Variants in SCRN3 observed in about 807,000 individuals in gnomAD.
The protein encoded by SCRN3 is secernin-3.
Under a neutral mutation model 43.1 loss-of-function variants are expected in SCRN3, and 39 were observed. That is an observed-to-expected ratio of 0.91 (90% CI 0.70 to 1.18). The LOEUF (loss-of-function observed/expected upper bound fraction) is 1.18, where lower values mean the gene tolerates loss of function less well. Among genes scored for constraint, SCRN3 ranks in the 50% most tolerant of loss-of-function variants. The pLI is 0.00. For synonymous variants in SCRN3, 147 were observed against 163.1 expected (o/e 0.90, Z 0.75); for missense variants, 484 against 498.0 (o/e 0.97, Z 0.27).
intron 5 of SCRN3, among the ~76,000 whole-genome samples, chr2:174,420,855 G>A (rs1311004832): frequency 6.6e-6 from 1 of 152,090 alleles, no homozygotes; most frequent in Non-Finnish European, 1.5e-5. Context: ...ACATAAGATT[G>A]GAGACTCAAC....
chr2:174,404,135 A>T lies in SCRN3; in HGVS notation c.574A>T (p.Ile192Leu). 1 of 1,613,756 alleles carries T rather than the reference A, an allele frequency of 6.2e-7. No homozygotes were observed. ...TCGTAATATTTCTAATCAACTTTCCATAACAACCAAGATTGCCCGGGAACA... is the reference window on the plus strand; with the variant it reads ...TCGTAATATTTCTAATCAACTTTCCTTAACAACCAAGATTGCCCGGGAACA... Reference protein sequence around the residue: ...GVRNISNQLSITTKIAREHPD... With the variant: ...GVRNISNQLSLTTKIAREHPD... The change falls in exon 5 of 8, where the codon ATA (isoleucine) becomes TTA (leucine). Residue 192 changes from isoleucine (I) to leucine (L), a missense_variant. Transcript: ENST00000272732.
At chr2:174,413,181 C>G (rs1467269873) in intron 5 of SCRN3, among the ~76,000 whole-genome samples, 1 of 151,978 alleles carries the variant, frequency 6.6e-6, no homozygotes, top group Non-Finnish European at 1.5e-5. Context: ...CGATAGTGCT[C>G]TTTTAGGACA....
intron 1 of SCRN3, 168 bp from the exon 2 acceptor site, chr2:174,398,107 G>A: frequency 2.5e-6 from 1 of 401,084 alleles, no homozygotes; most frequent in Non-Finnish European, 4.3e-6. Flanking sequence ...CAGCCTGGGT[G>A]AAAGAGCTAG....
In SCRN3 at chr2:174,424,507, A is replaced by G. The variant is rs1239152531; in HGVS notation, c.950A>G (p.His317Arg). The change falls in exon 7 of 8, where the codon CAT becomes CGT. Residue 317 changes from histidine to arginine, a missense_variant. Coordinates refer to ENST00000272732, the MANE Select transcript of SCRN3 (RefSeq NM_024583.5). ...SVFKPFIFVP[H>R]ISQLLDTSSP... The stretch of plus-strand genomic sequence containing the variant: ...TTTAAGCCTTTCATATTTGTGCCAC[A>G]TATTTCACAACTATTGGATACCAGT... 6.2e-7 allele frequency: 1 copy of G among 1,611,074 alleles called. No homozygotes were observed. The highest frequency in any genetic ancestry group is 8.5e-7 in the Non-Finnish European group (1 of 1,178,310).
Position 174,398,375 on chromosome 2 carries a change from A to G in SCRN3, c.92A>G (p.Tyr31Cys), listed in dbSNP as rs780845157. 1.9e-5 allele frequency: 31 copies of G among 1,609,286 alleles called. 1 individual carries two copies. The East Asian group carries it at 2.5e-4, about 13-fold the overall frequency. ...IIFGKNSDRL[Y>C]DEVQEVVYFP... is the part of the protein sequence containing the mutation. The stretch of plus-strand genomic sequence containing the variant: ...TTTGGAAAAAATTCAGATAGACTCT[A>G]TGATGAAGTACAAGAGGTGGTTTAT... The change falls in exon 2 of 8, where the codon TAT (tyrosine) becomes TGT (cysteine). Residue 31 changes from tyrosine to cysteine, a missense_variant. By Grantham distance (194) the Tyr-to-Cys change is radical. Transcript: ENST00000272732.
chr2:174,412,834 G>C (rs1685968291), intron 5 of SCRN3, among the ~76,000 whole-genome samples: 1 of 144,274 alleles, frequency 6.9e-6, no homozygotes, highest in Admixed American at 6.9e-5. Flanking sequence ...CTATAGAGTA[G>C]ACAACTGCTC....
chr2:174,396,636 A>C (rs1408614201), intron 1 of SCRN3, among the ~76,000 whole-genome samples: 1 of 152,152 alleles, frequency 6.6e-6, no homozygotes, highest in African/African-American at 2.4e-5. Context: ...GTCTCTACTA[A>C]AAACACGAAA....
chr2:174,400,042 GC>G lies in SCRN3; in HGVS notation c.281del (p.Ala94ValfsTer15). ...NEHGVCIGNE[A>X]VWGREEVCDE... The stretch of plus-strand genomic sequence containing the variant: ...GCATGGAGTTTGCATTGGGAATGAA[GC>G]TGTATGGGGAAGAGAAGAAGTTTGT... On this transcript the variant is annotated frameshift_variant, in exon 3 of 8. Transcript: ENST00000272732. LOFTEE classifies it high-confidence loss of function. 6.2e-7 allele frequency: 1 copy of G among 1,600,066 alleles called. No homozygotes were observed. Among genetic ancestry groups the G allele is most frequent in the African/African-American group, 1.4e-5 (1 of 73,744 alleles).
intron 5 of SCRN3, among the ~76,000 whole-genome samples, chr2:174,416,354 AG>A (rs1328902891): frequency 6.6e-6 from 1 of 152,212 alleles, no homozygotes; most frequent in Non-Finnish European, 1.5e-5. Flanking sequence ...AGAGAGAGAA[AG>A]ATGTCATAAA....
Position 174,423,026 on chromosome 2 carries a change from C to T in SCRN3, c.896C>T (p.Thr299Ile), listed in dbSNP as rs536481088. 155 of 1,613,200 alleles carry T rather than the reference C, an allele frequency of 9.6e-5. No individual in the cohort carries two copies. The Admixed American group carries it at 1.3e-3, about 14-fold the overall frequency. ...DSSLPCIHFF[T>I]GTPDPERSVF... ...AGCCTTCCTTGCATTCACTTCTTTA[C>T]AGGGACTCCTGATCCTGAGAGGTGA... The change falls in exon 6 of 8, where the codon ACA becomes ATA. Residue 299 changes from threonine (T) to isoleucine (I), a missense_variant. Physicochemically the swap from Thr to Ile is moderately conservative, Grantham distance 89. Transcript: ENST00000272732.
intron 5 of SCRN3, among the ~76,000 whole-genome samples, chr2:174,413,392 C>G (rs1352834254): frequency 3.3e-5 from 5 of 152,058 alleles, no homozygotes; most frequent in Admixed American, 2.0e-4. Context: ...CAAATTCTGT[C>G]TCTTGGTTGG....
In SCRN3 at chr2:174,424,455, A is replaced by C; in HGVS notation, c.918-20A>C. 1 of 1,512,942 alleles carries C rather than the reference A, an allele frequency of 6.6e-7. No homozygotes were observed. Among genetic ancestry groups the C allele is most frequent in the South Asian group, 1.2e-5 (1 of 83,450 alleles). The allele number at this position is 1,512,942 out of a possible 1,614,324, so 93.7% of individuals were successfully genotyped here. ...TTTTATATATTGACATGATAATTTA[A>C]TAAAGACTCTTTTTTCTAGATCTGT... is the stretch of plus-strand genomic sequence containing the variant. On this transcript the variant is annotated intron_variant, in intron 6 of 7. Transcript: ENST00000272732.
At chr2:174,426,864 A>T (rs1262758516) in intron 7 of SCRN3, among the ~76,000 whole-genome samples, 1 of 151,618 alleles carries the variant, frequency 6.6e-6, no homozygotes, top group Non-Finnish European at 1.5e-5. Context: ...ACAGAGTCTC[A>T]CTCTGTCGTC....
Position 174,429,202 on chromosome 2 carries a change from A to C in SCRN3, c.*1307A>C, listed in dbSNP as rs887387922. 1 of 152,152 alleles carries C rather than the reference A, an allele frequency of 6.6e-6. No individual in the cohort carries two copies. The highest frequency in any genetic ancestry group is 2.4e-5 in the African/African-American group (1 of 41,436). The allele number at this position is 152,152 out of a possible 1,614,324, so 9.4% of individuals were successfully genotyped here. On this transcript the variant is annotated 3_prime_UTR_variant, in exon 8 of 8. Transcript: ENST00000272732. Reference sequence around the variant, plus strand: ...CCCTATACTCCTCTTCTCTCCTTTAATAGATGAGGAAACTAAGGGCAAACA... The same window carrying C: ...CCCTATACTCCTCTTCTCTCCTTTACTAGATGAGGAAACTAAGGGCAAACA...
intron 4 of SCRN3, 149 bp downstream of exon 4, chr2:174,401,338 C>A: frequency 3.1e-6 from 2 of 640,364 alleles, no homozygotes; most frequent in Non-Finnish European, 5.2e-6. Context: ...TTTGAAAGAA[C>A]AGTGAAAAAG....
chr2:174,429,794 C>T (rs1686598390), downstream of SCRN3, among the ~76,000 whole-genome samples: 1 of 152,176 alleles, frequency 6.6e-6, no homozygotes, highest in Non-Finnish European at 1.5e-5. Context: ...ACCCTCCCTC[C>T]AACCCCTGGC....
chr2:174,417,135 T>C (rs1273912232), intron 5 of SCRN3, among the ~76,000 whole-genome samples: 4 of 152,160 alleles, frequency 2.6e-5, no homozygotes, highest in Non-Finnish European at 4.4e-5. Flanking sequence ...TTTAGACTTA[T>C]TGTAAAAGGA....
chr2:174,426,687 G>T (rs1406456051), intron 7 of SCRN3, among the ~76,000 whole-genome samples: 1 of 151,846 alleles, frequency 6.6e-6, no homozygotes, highest in Admixed American at 6.6e-5. Context: ...CAGGGGAATC[G>T]CTTGAACCCA....
intron 4 of SCRN3, among the ~76,000 whole-genome samples, chr2:174,402,724 A>G (rs1348863495): frequency 2.6e-5 from 4 of 152,162 alleles, no homozygotes; most frequent in African/African-American, 7.2e-5. Flanking sequence ...GGGGAAAGAA[A>G]GAAAAGAAAA....
Sources: gnomAD v4.1 joint callset for allele counts (sites outside exome capture counted in the v4.1 genomes callset) on GRCh38, gnomAD v4.1.1 for gene constraint, MANE v1.5 for transcripts, NCBI Gene and HGNC (gene_info 2026-07-23, HGNC 2026-07-21) for gene names.